LIMCH1: variants seen among roughly 807,000 people sequenced by gnomAD.
LIMCH1 encodes LIM and calponin homology domains-containing protein 1.
LIMCH1 carries 113 observed loss-of-function variants against 176.5 expected under a neutral mutation model. The observed-to-expected ratio is 0.64, with a 90% confidence interval of 0.55 to 0.75. The LOEUF (loss-of-function observed/expected upper bound fraction) is 0.75. Ranked by LOEUF, LIMCH1 falls within the 30% of genes least tolerant of loss-of-function variation. LIMCH1 has a pLI of 0.00. For synonymous variants in LIMCH1, 619 were observed against 645.9 expected (o/e 0.96, Z 0.63); for missense variants, 1,674 against 1,814.9 (o/e 0.92, Z 1.41).
upstream of LIMCH1, chr4:41,360,779 TGCG>T: frequency 2.3e-6 from 3 of 1,321,120 alleles, no homozygotes; most frequent in Non-Finnish European, 3.1e-6. This position sits in a 1 kb window ranked among gnomAD's most constrained non-coding sequence, Gnocchi z 4.5. Context: ...AGCGCGCTCC[TGCG>T]GCGGCGACGG....
At chr4:41,686,559 GT>G (rs1324048764) in intron 28 of LIMCH1, among the ~76,000 whole-genome samples, 1 of 152,178 alleles carries the variant, frequency 6.6e-6, no homozygotes, top group Non-Finnish European at 1.5e-5. Flanking sequence ...TCATAGTACT[GT>G]AACCAATCAT....
intron 26 of LIMCH1, 80 bp from the exon 27 acceptor site, chr4:41,684,317 A>G: frequency 2.4e-6 from 3 of 1,274,046 alleles, no homozygotes; most frequent in Non-Finnish European, 3.2e-6. Flanking sequence ...TGGTACTCCC[A>G]TCCTTTAAGT....
intron 14 of LIMCH1, among the ~76,000 whole-genome samples, chr4:41,643,094 C>T (rs2093903222): frequency 6.6e-6 from 1 of 152,328 alleles, no homozygotes; most frequent in East Asian, 1.9e-4. Context: ...TGTCCAACAT[C>T]TGGAGAGCAG....
At chr4:41,464,101 G>A (rs2065765028) in intron 1 of LIMCH1, among the ~76,000 whole-genome samples, 2 of 151,714 alleles carry the variant, frequency 1.3e-5, no homozygotes, top group South Asian at 4.2e-4. Flanking sequence ...GCATCCCATT[G>A]TTCCTGGGTT....
At chr4:41,484,870 G>C (rs1042185066) in intron 1 of LIMCH1, among the ~76,000 whole-genome samples, 1 of 152,138 alleles carries the variant, frequency 6.6e-6, no homozygotes, top group Non-Finnish European at 1.5e-5. Flanking sequence ...TGAGTGGACT[G>C]TAGTTTGTCT....
intron 3 of LIMCH1, among the ~76,000 whole-genome samples, chr4:41,524,877 T>G (rs1489711458): frequency 1.3e-5 from 2 of 152,208 alleles, no homozygotes; most frequent in Admixed American, 1.3e-4. Flanking sequence ...AACAGTCGTT[T>G]TATAATAAAT....
intron 1 of LIMCH1, among the ~76,000 whole-genome samples, chr4:41,400,309 C>G (rs1419379985): frequency 6.6e-6 from 1 of 152,038 alleles, no homozygotes; most frequent in Non-Finnish European, 1.5e-5. Context: ...TCATGGGGTA[C>G]CTTGGAAAAT....
intron 1 of LIMCH1, among the ~76,000 whole-genome samples, chr4:41,548,773 C>T (rs1433839566): frequency 1.3e-5 from 2 of 152,000 alleles, no homozygotes; most frequent in Non-Finnish European, 2.9e-5. Flanking sequence ...GGAGAAGAGT[C>T]GTGAAAAACT....
At chr4:41,587,032 G>A (rs758535538) in intron 1 of LIMCH1, among the ~76,000 whole-genome samples, 1 of 152,200 alleles carries the variant, frequency 6.6e-6, no homozygotes, top group Non-Finnish European at 1.5e-5. Context: ...ACTTCATTTT[G>A]TAGTTGGTTC....
Position 41,461,718 on chromosome 4 carries a change from C to T in LIMCH1, c.97-32818C>T, listed in dbSNP as rs139401361. Among the ~76,000 whole-genome samples, 46 of 152,330 alleles carry T rather than the reference C, an allele frequency of 3.0e-4. No homozygotes were observed. The East Asian group carries it at 8.7e-3, about 29-fold the overall frequency. On this transcript the variant is annotated intron_variant, in intron 1 of 26. Transcript: ENST00000313860. ...GGCAGTTTCCTGATGGCTAGAAGGC[C>T]TTAAAATTTTTTTGAGGATTTAGAA...
chr4:41,621,800 C>G (rs1309862752), intron 7 of LIMCH1, among the ~76,000 whole-genome samples: 2 of 152,156 alleles, frequency 1.3e-5, no homozygotes, highest in African/African-American at 2.4e-5. Context: ...ACTTGCAGAG[C>G]TGGTCACCAC....
chr4:41,442,407 G>T (rs929607553), intron 1 of LIMCH1, among the ~76,000 whole-genome samples: 1 of 152,230 alleles, frequency 6.6e-6, no homozygotes, highest in Non-Finnish European at 1.5e-5. Flanking sequence ...TGGCCACTTA[G>T]CATCAGTGTC....
intron 4 of LIMCH1, chr4:41,612,210 G>C (rs1035678150): frequency 8.3e-6 from 2 of 239,754 alleles, no homozygotes; most frequent in East Asian, 9.4e-5. Context: ...TCCTGCTGCG[G>C]AGTATGTCAG....
chr4:41,637,916 A>G (rs914205179), intron 13 of LIMCH1, among the ~76,000 whole-genome samples: 11 of 152,214 alleles, frequency 7.2e-5, no homozygotes, highest in Non-Finnish European at 1.2e-4. Context: ...TCATGGGACC[A>G]GGTAATTTTT....
intron 1 of LIMCH1, among the ~76,000 whole-genome samples, chr4:41,370,705 A>G (rs2154097096): frequency 6.6e-6 from 1 of 152,342 alleles, no homozygotes; most frequent in Admixed American, 6.5e-5. Context: ...TGGCTAGTTC[A>G]GTGCCAAATA....
chr4:41,439,920 A>G (rs1193116436), intron 1 of LIMCH1, among the ~76,000 whole-genome samples: 2 of 152,172 alleles, frequency 1.3e-5, no homozygotes, highest in Non-Finnish European at 2.9e-5. Flanking sequence ...AAGAAAAAAC[A>G]AAAAGGAGGA....
chr4:41,545,430 G>A (rs2079236510), intron 1 of LIMCH1, among the ~76,000 whole-genome samples: 2 of 152,158 alleles, frequency 1.3e-5, no homozygotes, highest in Admixed American at 6.5e-5. Flanking sequence ...TCGTCAGTAC[G>A]AGGGGAGAGT....
intron 3 of LIMCH1, among the ~76,000 whole-genome samples, chr4:41,604,723 G>T (rs1234797516): frequency 6.6e-6 from 1 of 151,874 alleles, no homozygotes; most frequent in Non-Finnish European, 1.5e-5. Flanking sequence ...TTATTTTATG[G>T]TCCTAGTTAA....
intron 1 of LIMCH1, among the ~76,000 whole-genome samples, chr4:41,471,027 CTTT>C (rs34026751): frequency 5.3e-5 from 7 of 131,322 alleles, no homozygotes; most frequent in Admixed American, 1.6e-4. Flanking sequence ...CAAACTAAGA[CTTT>C]TTTTTTTTTT....
Sources: gnomAD v4.1 joint callset for allele counts (sites outside exome capture counted in the v4.1 genomes callset) on GRCh38, gnomAD v4.1.1 for gene constraint, Gnocchi (gnomAD v3.1) non-coding constraint, MANE v1.5 for transcripts, NCBI Gene and HGNC (gene_info 2026-07-23, HGNC 2026-07-21) for gene names.